Variants in USP6NL observed in about 807,000 individuals in gnomAD.
The protein encoded by USP6NL is USP6 N-terminal like.
In USP6NL, 26 loss-of-function variants were observed where a neutral mutation model predicts 61.9. That is an observed-to-expected ratio of 0.42 (90% CI 0.31 to 0.58). The LOEUF (loss-of-function observed/expected upper bound fraction) is 0.58. Among genes scored for constraint, USP6NL ranks in the 20% least tolerant of loss-of-function variants. The pLI, the probability that USP6NL is intolerant of heterozygous loss-of-function variation, is 0.16. For missense variants in USP6NL, 1,114 were observed against 1,034.3 expected, an observed-to-expected ratio of 1.08 and a Z score of -1.06; for synonymous variants, 432 against 390.1, an observed-to-expected ratio of 1.11 and a Z score of -1.27.
Position 11,537,949 on chromosome 10 carries a change from T to C in USP6NL, c.5-10382A>G, listed in dbSNP as rs114509765. 1.3e-5 allele frequency among the ~76,000 whole-genome samples: 2 copies of C among 152,212 alleles called. No individual in the cohort carries two copies. Among genetic ancestry groups the C allele is most frequent in the African/African-American group, 4.8e-5 (2 of 41,454 alleles). On this transcript the variant is annotated intron_variant, in intron 2 of 14. Coordinates refer to ENST00000609104, the MANE Select transcript of USP6NL (RefSeq NM_014688.5). This position sits in a 1 kb window ranked among gnomAD's most constrained non-coding sequence, Gnocchi z 5.1. ...AAAAAGATCAACAGTGTCGATATAA[T>C]TGGTAGGTTGCTTGTTTTGTTTTTG... is the stretch of plus-strand genomic sequence containing the variant.
chr10:11,539,553 C>T (rs769609987), intron 2 of USP6NL, among the ~76,000 whole-genome samples: 1 of 152,204 alleles, frequency 6.6e-6, no homozygotes, highest in Non-Finnish European at 1.5e-5. Context: ...TAATTACTAG[C>T]TGTTGCATAT....
Position 11,585,838 on chromosome 10 carries a change from A to C in USP6NL, c.4+11793T>G, listed in dbSNP as rs1231515469. Among the ~76,000 whole-genome samples the C allele has an allele frequency of 6.6e-6, 1 of 152,206 alleles. No individual in the cohort carries two copies. Among genetic ancestry groups the C allele is most frequent in the Non-Finnish European group, 1.5e-5 (1 of 68,034 alleles). On this transcript the variant is annotated intron_variant, in intron 2 of 14. Transcript: ENST00000609104. The surrounding 1 kb of genome is among the most constrained non-coding windows in gnomAD (Gnocchi z 4.5). ...ATGCTACAATATGGATGGACCTTAA[A>C]TACATTGTGCTGAGTTAAACCAGTT...
intron 2 of USP6NL, among the ~76,000 whole-genome samples, chr10:11,542,882 G>A (rs1477427059): frequency 6.6e-6 from 1 of 152,134 alleles, no homozygotes; most frequent in African/African-American, 2.4e-5. Context: ...GAAAGACAGG[G>A]CCCCGAGCTT....
At chr10:11,551,943 G>A (rs1274884981) in intron 2 of USP6NL, among the ~76,000 whole-genome samples, 1 of 152,100 alleles carries the variant, frequency 6.6e-6, no homozygotes, top group Non-Finnish European at 1.5e-5. Context: ...TAGTTGGTTA[G>A]GTTACAACTA....
chr10:11,515,584 G>A (rs1240400275), intron 5 of USP6NL, among the ~76,000 whole-genome samples: 2 of 152,192 alleles, frequency 1.3e-5, no homozygotes, highest in African/African-American at 4.8e-5. Flanking sequence ...TCTGGTTAGT[G>A]TCAGAATTGA....
At chr10:11,610,722 C>T (rs1588431417) in intron 1 of USP6NL, among the ~76,000 whole-genome samples, 1 of 150,958 alleles carries the variant, frequency 6.6e-6, no homozygotes, top group East Asian at 1.9e-4. Context: ...CTGAAGTCTA[C>T]GGTCTAAAAA....
chr10:11,519,643 T>C (rs977042430), intron 4 of USP6NL, among the ~76,000 whole-genome samples: 3 of 151,746 alleles, frequency 2.0e-5, no homozygotes, highest in South Asian at 2.1e-4. Flanking sequence ...AATAAACAAA[T>C]AAATAAATAA....
intron 2 of USP6NL, among the ~76,000 whole-genome samples, chr10:11,586,898 C>G (rs2172331): frequency 6.6e-6 from 1 of 151,944 alleles, no homozygotes; most frequent in Non-Finnish European, 1.5e-5. Flanking sequence ...TCTTCACATA[C>G]GTTGTTCCTT....
intron 2 of USP6NL, chr10:11,565,779 G>A (rs1270544767): frequency 1.3e-5 from 2 of 152,242 alleles, no homozygotes; most frequent in Non-Finnish European, 2.9e-5. Flanking sequence ...ATGGACAGGA[G>A]TGGAGAGGCT....
In USP6NL at chr10:11,611,285, G is replaced by A. The variant is rs1205405293; in HGVS notation, c.-84+158C>T. On this transcript the variant is annotated intron_variant, in intron 1 of 14. Transcript: ENST00000609104. The surrounding 1 kb of genome is among the most constrained non-coding windows in gnomAD (Gnocchi z 5.3). ...GCACTGTGCCCGAGCCGCCCCCCAGGGCCGAGCCGCGAACCGCAGCCGCGT... is the reference window on the plus strand; with the variant it reads ...GCACTGTGCCCGAGCCGCCCCCCAGAGCCGAGCCGCGAACCGCAGCCGCGT... 1.3e-5 allele frequency: 2 copies of A among 151,978 alleles called. No homozygotes were observed. Among genetic ancestry groups the A allele is most frequent in the East Asian group, 1.9e-4 (1 of 5,156 alleles). 9.4% of individuals were successfully genotyped at this position (151,978 alleles called of 1,614,324 possible). A position where few individuals can be genotyped will look rare whatever the true frequency, so the allele number is the denominator to read the frequency against.
intron 2 of USP6NL, among the ~76,000 whole-genome samples, chr10:11,576,523 C>T (rs143235218): frequency 2.0e-5 from 3 of 152,304 alleles, no homozygotes; most frequent in Non-Finnish European, 4.4e-5. Flanking sequence ...AGAGAGCTGC[C>T]GTGCCTTTCC....
At chr10:11,547,242 A>G (rs912771965) in intron 2 of USP6NL, among the ~76,000 whole-genome samples, 1 of 152,226 alleles carries the variant, frequency 6.6e-6, no homozygotes, top group Non-Finnish European at 1.5e-5. Context: ...CACTGTTTGG[A>G]GCAGGTTGGA....
At chr10:11,609,217 AC>A (rs1268016911) in intron 1 of USP6NL, among the ~76,000 whole-genome samples, 6 of 152,236 alleles carry the variant, frequency 3.9e-5, no homozygotes, top group Admixed American at 3.9e-4. Flanking sequence ...GCAGTGCACC[AC>A]TACCGCCCAG....
chr10:11,463,258 G>C lies in USP6NL; in HGVS notation c.1670C>G (p.Pro557Arg). ...TASQYDNVPGPELDSGASVEE... is the reference protein window; with the variant it reads ...TASQYDNVPGRELDSGASVEE... ...CACGGAAGCGCCGCTGTCCAGCTCC[G>C]GGCCTGGCACGTTGTCGTACTGCGA... The change falls in exon 15 of 15, where the codon CCG becomes CGG. Residue 557 changes from proline to arginine, a missense_variant. Physicochemically the swap from Pro to Arg is moderately radical, Grantham distance 103. Transcript: ENST00000609104. The surrounding 1 kb of genome is among the most constrained non-coding windows in gnomAD (Gnocchi z 6.3). 1 of 1,613,650 alleles carries C rather than the reference G, an allele frequency of 6.2e-7. No individual in the cohort carries two copies. The highest frequency in any genetic ancestry group is 8.5e-7 in the Non-Finnish European group (1 of 1,179,882).
intron 1 of USP6NL, among the ~76,000 whole-genome samples, chr10:11,606,750 T>TA: frequency 6.6e-6 from 1 of 150,446 alleles, no homozygotes; most frequent in Middle Eastern, 3.5e-3. Context: ...GCTAAAAAAT[T>TA]AAAAATGAAC....
rs1220903365 is a variant in USP6NL at position 11,492,290 on chromosome 10, A to C, written c.494+829T>G. On this transcript the variant is annotated intron_variant, in intron 8 of 14. Transcript: ENST00000609104. Reference sequence around the variant, plus strand: ...CTGCAGTGGTTGGCTTTGGGTGTCAACTTGGCTAAACAACAATCCCCAGAT... The same window carrying C: ...CTGCAGTGGTTGGCTTTGGGTGTCACCTTGGCTAAACAACAATCCCCAGAT... Among the ~76,000 whole-genome samples the C allele has an allele frequency of 2.6e-5, 4 of 152,238 alleles. No homozygotes were observed. The East Asian group carries it at 5.8e-4, about 22-fold the overall frequency.
chr10:11,610,775 G>C (rs181413557), intron 1 of USP6NL, among the ~76,000 whole-genome samples: 152 of 152,128 alleles, frequency 1.0e-3, no homozygotes, highest in African/African-American at 3.5e-3. Flanking sequence ...AAGGGATAAG[G>C]GTTGGGGGTG....
intron 13 of USP6NL, among the ~76,000 whole-genome samples, chr10:11,483,843 G>A (rs1226507987): frequency 2.0e-5 from 3 of 152,028 alleles, no homozygotes; most frequent in African/African-American, 4.8e-5. Flanking sequence ...GAGTATAAGG[G>A]AAGTGAACCA....
intron 2 of USP6NL, among the ~76,000 whole-genome samples, chr10:11,579,449 T>C (rs2133598995): frequency 6.6e-6 from 1 of 152,318 alleles, no homozygotes; most frequent in East Asian, 1.9e-4. Context: ...TTCTTGCCAG[T>C]ACTACTTCAA....
Sources: gnomAD v4.1 joint callset for allele counts (sites outside exome capture counted in the v4.1 genomes callset) on GRCh38, gnomAD v4.1.1 for gene constraint, Gnocchi (gnomAD v3.1) non-coding constraint, MANE v1.5 for transcripts, NCBI Gene and HGNC (gene_info 2026-07-23, HGNC 2026-07-21) for gene names.